The following CSMD3 variants were observed in gnomAD, a reference collection of about 807,000 sequenced individuals.
CSMD3 encodes the protein CUB and Sushi multiple domains 3.
A neutral mutation model predicts 435.2 loss-of-function variants in CSMD3; 177 were observed. That is an observed-to-expected ratio of 0.41 (90% CI 0.36 to 0.46). CSMD3 has a LOEUF of 0.46. Among genes scored for constraint, CSMD3 ranks in the 20% least tolerant of loss-of-function variants. The pLI, the probability that CSMD3 is intolerant of heterozygous loss-of-function variation, is 0.34. For synonymous variants in CSMD3, 1,656 were observed against 1,520.5 expected, an observed-to-expected ratio of 1.09 and a Z score of -2.07; for missense variants, 4,265 against 4,504.6, an observed-to-expected ratio of 0.95 and a Z score of 1.52.
chr8:112,618,366 A>G (rs1396830298), intron 22 of CSMD3, among the ~76,000 whole-genome samples: 2 of 151,658 alleles, frequency 1.3e-5, no homozygotes, highest in South Asian at 2.1e-4. Flanking sequence ...TAGTCAAGAC[A>G]GAAGGCTTAT....
At position 112,852,097 on chromosome 8, in the gene CSMD3, T is replaced by C. The variant is rs188176177; in HGVS notation, c.1755+7048A>G. ...CAGAAAGGAGGGTATGGATCAGCAA[T>C]AGGACTTCAGTACCTGAAAAAGGGA... On this transcript the variant is annotated intron_variant, in intron 11 of 70. Transcript: ENST00000297405. 1.1e-4 allele frequency among the ~76,000 whole-genome samples: 16 copies of C among 152,186 alleles called. 1 individual carries two copies. In the East Asian group the frequency reaches 2.9e-3, roughly 28 times the overall value.
chr8:112,304,102 C>T (rs191824608), intron 52 of CSMD3, among the ~76,000 whole-genome samples: 1 of 152,182 alleles, frequency 6.6e-6, no homozygotes, highest in African/African-American at 2.4e-5. Flanking sequence ...GCCTTAACTG[C>T]TCAATTTGGT....
At chr8:112,985,051 G>A (rs1157729518) in intron 6 of CSMD3, among the ~76,000 whole-genome samples, 1 of 146,028 alleles carries the variant, frequency 6.8e-6, no homozygotes, top group Non-Finnish European at 1.5e-5. Context: ...CTTCACCCAT[G>A]TCTTTCAAGT....
At chr8:112,479,766 G>A (rs1819449555) in intron 31 of CSMD3, among the ~76,000 whole-genome samples, 1 of 152,232 alleles carries the variant, frequency 6.6e-6, no homozygotes, top group Non-Finnish European at 1.5e-5. Flanking sequence ...GTCAGAGAAT[G>A]TATAGAAAAT....
intron 14 of CSMD3, 79 bp downstream of exon 14, chr8:112,689,787 CTT>C: frequency 8.0e-7 from 1 of 1,242,282 alleles, no homozygotes; most frequent in Non-Finnish European, 1.2e-6. Flanking sequence ...GGTTGCAGCT[CTT>C]TGCAATTAAT....
chr8:113,005,606 C>T (rs958673549), intron 6 of CSMD3, among the ~76,000 whole-genome samples: 1 of 151,836 alleles, frequency 6.6e-6, no homozygotes, highest in Non-Finnish European at 1.5e-5. Flanking sequence ...TAAAAAATAA[C>T]TGAAAAGGAA....
intron 12 of CSMD3, among the ~76,000 whole-genome samples, chr8:112,806,570 T>C (rs2079092364): frequency 6.6e-6 from 1 of 152,186 alleles, no homozygotes; most frequent in Admixed American, 6.6e-5. Context: ...AGTATTGTGC[T>C]TAGGAGATGC....
chr8:113,019,912 C>T (rs1417357402), intron 5 of CSMD3, among the ~76,000 whole-genome samples: 4 of 151,734 alleles, frequency 2.6e-5, no homozygotes, highest in Non-Finnish European at 5.9e-5. Flanking sequence ...GCCTGTAATC[C>T]CAGCACTTTG....
chr8:113,347,505 G>T (rs1016298401), intron 1 of CSMD3, among the ~76,000 whole-genome samples: 3 of 152,142 alleles, frequency 2.0e-5, no homozygotes, highest in Non-Finnish European at 2.9e-5. Flanking sequence ...CACAAGGACT[G>T]CTGAATTCCC....
intron 30 of CSMD3, among the ~76,000 whole-genome samples, chr8:112,497,480 A>AATATATATAT (rs34936636): frequency 6.9e-6 from 1 of 144,678 alleles, no homozygotes; most frequent in Non-Finnish European, 1.5e-5. Flanking sequence ...GTACTCCATA[A>AATATATATAT]ATATATATAT....
intron 59 of CSMD3, among the ~76,000 whole-genome samples, chr8:112,269,779 C>A (rs1242825548): frequency 6.6e-6 from 1 of 152,088 alleles, no homozygotes; most frequent in Non-Finnish European, 1.5e-5. Context: ...CATTTTAAAT[C>A]AAGGAATTGA....
intron 10 of CSMD3, among the ~76,000 whole-genome samples, chr8:112,865,864 T>A (rs749766763): frequency 5.9e-5 from 9 of 152,080 alleles, no homozygotes; most frequent in South Asian, 2.1e-4. Flanking sequence ...AATGAATGAG[T>A]GAGCAAATGA....
intron 13 of CSMD3, among the ~76,000 whole-genome samples, chr8:112,714,584 A>G (rs915333563): frequency 6.6e-6 from 1 of 152,212 alleles, no homozygotes; most frequent in Non-Finnish European, 1.5e-5. Flanking sequence ...CCTAATCAAC[A>G]TCTACAGAAC....
intron 59 of CSMD3, among the ~76,000 whole-genome samples, chr8:112,271,081 T>C (rs1200756150): frequency 6.6e-6 from 1 of 152,144 alleles, no homozygotes; most frequent in African/African-American, 2.4e-5. Context: ...TAGATCCTCT[T>C]TGTCAATGAT....
Position 113,436,722 on chromosome 8 carries a change from T to C in CSMD3, c.133A>G (p.Thr45Ala), listed in dbSNP as rs1248386228. The C allele has an allele frequency of 3.1e-6, 5 of 1,614,132 alleles. No individual in the cohort carries two copies. The highest frequency in any genetic ancestry group is 1.6e-4 in the Middle Eastern group (1 of 6,062). ...MKKMGIKSGF[T>A]FWNLVFLLTV... is the part of the protein sequence containing the mutation. ...AATAAAAAGACGAGGTTCCAAAACGTAAATCCACTTTTAATCCCCATTTTC... is the reference window on the plus strand; with the variant it reads ...AATAAAAAGACGAGGTTCCAAAACGCAAATCCACTTTTAATCCCCATTTTC... Residue 45 changes from threonine (T) to alanine (A), a missense_variant, in exon 1 of 71, where the codon ACG (threonine) becomes GCG (alanine). By Grantham distance (58) the Thr-to-Ala change is moderately conservative. Transcript: ENST00000297405.
At chr8:113,356,067 C>T (rs1588585190) in intron 1 of CSMD3, among the ~76,000 whole-genome samples, 2 of 151,772 alleles carry the variant, frequency 1.3e-5, no homozygotes, top group African/African-American at 4.8e-5. Flanking sequence ...ACATTTGTTA[C>T]ACCCTCCCAT....
At chr8:112,938,386 T>C (rs1223777988) in intron 9 of CSMD3, among the ~76,000 whole-genome samples, 5 of 152,222 alleles carry the variant, frequency 3.3e-5, no homozygotes, top group Non-Finnish European at 7.3e-5. Context: ...AAATAAAATG[T>C]TACATTTAGA....
chr8:112,943,722 T>C (rs904997371), intron 9 of CSMD3, among the ~76,000 whole-genome samples: 1 of 151,774 alleles, frequency 6.6e-6, no homozygotes, highest in African/African-American at 2.4e-5. Flanking sequence ...TATTACATTT[T>C]TGAAATACAT....
At chr8:113,301,524 TTA>T (rs950292317) in intron 2 of CSMD3, among the ~76,000 whole-genome samples, 4 of 151,936 alleles carry the variant, frequency 2.6e-5, no homozygotes, top group Admixed American at 6.6e-5. Context: ...GCTGATTAGT[TTA>T]TGTTTTTTTT....
Sources: allele counts gnomAD v4.1 joint callset (sites outside exome capture counted in the v4.1 genomes callset), GRCh38; gene constraint gnomAD v4.1.1; transcripts MANE v1.5; gene names NCBI Gene and HGNC (gene_info 2026-07-23, HGNC 2026-07-21).